The following LIN28B variants were observed in gnomAD, a reference collection of about 807,000 sequenced individuals.
LIN28B encodes the protein protein lin-28 homolog B.
Under a neutral mutation model 21.9 loss-of-function variants are expected in LIN28B, and 5 were observed. The ratio of observed to expected loss-of-function variants is 0.23; its 90% confidence interval spans 0.12 to 0.48. The LOEUF (loss-of-function observed/expected upper bound fraction) is 0.48. LIN28B is among the 20% of genes least tolerant of loss of function. The probability of loss-of-function intolerance (pLI) is 0.98; values close to 1 mark genes in which losing one functional copy is unlikely to be tolerated. For synonymous variants in LIN28B, 109 were observed against 111.3 expected (o/e 0.98, Z 0.13); for missense variants, 245 against 310.5 (o/e 0.79, Z 1.58).
intron 3 of LIN28B, among the ~76,000 whole-genome samples, chr6:105,071,108 G>C (rs1772324751): frequency 6.6e-6 from 1 of 152,014 alleles, no homozygotes; most frequent in Non-Finnish European, 1.5e-5. Context: ...AACTCCTCCT[G>C]ACCTTGTGAT....
chr6:105,026,594 A>G (rs1582904261), intron 3 of LIN28B, 112 bp downstream of exon 3: 2 of 654,280 alleles, frequency 3.1e-6, no homozygotes, highest in East Asian at 5.4e-5. Flanking sequence ...AACCACCATC[A>G]TGTAGAATAT....
chr6:105,042,606 G>C (rs539218824), intron 3 of LIN28B, among the ~76,000 whole-genome samples: 1 of 151,570 alleles, frequency 6.6e-6, no homozygotes, highest in South Asian at 2.1e-4. Context: ...AACATCGACT[G>C]ACTTCTCAGA....
intron 3 of LIN28B, among the ~76,000 whole-genome samples, chr6:105,033,496 G>A (rs1175383165): frequency 6.6e-6 from 1 of 151,944 alleles, no homozygotes; most frequent in Non-Finnish European, 1.5e-5. Flanking sequence ...TTAAAATTCT[G>A]CTTAATTTAG....
chr6:105,034,632 A>C (rs1422513771), intron 3 of LIN28B, among the ~76,000 whole-genome samples: 1 of 152,074 alleles, frequency 6.6e-6, no homozygotes, highest in Non-Finnish European at 1.5e-5. Context: ...ATGGTACATC[A>C]TGGTGTATTT....
chr6:104,945,187 A>G (rs927938565), intron 2 of LIN28B, among the ~76,000 whole-genome samples: 1 of 152,078 alleles, frequency 6.6e-6, no homozygotes, highest in Non-Finnish European at 1.5e-5. Context: ...ATTATGTGTT[A>G]TCTTTTGTAT....
chr6:105,036,113 T>C (rs935092114), intron 3 of LIN28B, among the ~76,000 whole-genome samples: 6 of 152,350 alleles, frequency 3.9e-5, no homozygotes, highest in Non-Finnish European at 8.8e-5. Context: ...TTTACTTGTA[T>C]GCTTTTTTTC....
chr6:104,987,916 G>A (rs2114261610), intron 2 of LIN28B, among the ~76,000 whole-genome samples: 1 of 152,092 alleles, frequency 6.6e-6, no homozygotes, highest in South Asian at 2.1e-4. Flanking sequence ...GCTAATTTTT[G>A]TATTTTTAGT....
intron 3 of LIN28B, among the ~76,000 whole-genome samples, chr6:105,029,488 T>C (rs1053452031): frequency 5.9e-5 from 9 of 152,018 alleles, no homozygotes; most frequent in Middle Eastern, 3.2e-3. Flanking sequence ...TAGATAGATA[T>C]GAAGGTAGGA....
At chr6:105,048,283 GT>G (rs1448919273) in intron 3 of LIN28B, among the ~76,000 whole-genome samples, 54 of 152,130 alleles carry the variant, frequency 3.5e-4, no homozygotes, top group African/African-American at 1.3e-3. Flanking sequence ...TAATCATGTG[GT>G]TTTTGTCTTT....
chr6:105,023,604 A>T (rs867813556), intron 2 of LIN28B, among the ~76,000 whole-genome samples: 1 of 61,826 alleles, frequency 1.6e-5, no homozygotes, highest in African/African-American at 7.1e-5. Context: ...TATATATATA[A>T]AATATATAAT....
intron 3 of LIN28B, among the ~76,000 whole-genome samples, chr6:105,051,982 G>A (rs1771916466): frequency 6.6e-6 from 1 of 152,200 alleles, no homozygotes; most frequent in Non-Finnish European, 1.5e-5. Context: ...GTAATAGTTG[G>A]ACTGTTTTAG....
chr6:104,959,058 G>A (rs1769655808), intron 2 of LIN28B, among the ~76,000 whole-genome samples: 1 of 152,114 alleles, frequency 6.6e-6, no homozygotes, highest in South Asian at 2.1e-4. Context: ...AATTTTTAAA[G>A]ATGTTTTAAT....
At chr6:105,014,195 TGCAATACAGTGG>T (rs1377802484) in intron 2 of LIN28B, among the ~76,000 whole-genome samples, 66 of 152,344 alleles carry the variant, frequency 4.3e-4, no homozygotes, top group African/African-American at 1.5e-3. Context: ...TGGCCCAGGC[TGCAATACAGTGG>T]CACAATCACA....
At chr6:105,063,883 T>A (rs971081305) in intron 3 of LIN28B, among the ~76,000 whole-genome samples, 1 of 149,984 alleles carries the variant, frequency 6.7e-6, no homozygotes, top group Non-Finnish European at 1.5e-5. Context: ...ATACGTCTTA[T>A]TAAATATAAT....
rs118000887 is a variant in LIN28B, at chr6:105,078,626, A to G, written c.596A>G (p.His199Arg). Residue 199 changes from histidine to arginine, a missense_variant, in exon 4 of 4, where the codon CAT (histidine) becomes CGT (arginine). Transcript: ENST00000345080. ...STLPREVGGG[H>R]GCTSPPFPQE... is the part of the protein sequence containing the mutation. ...CTCCCTCGAGAAGTGGGAGGCGGGC[A>G]TGGCTGTACATCACCACCGTTTCCT... 8,073 of 1,614,156 alleles carry G rather than the reference A, an allele frequency of 5.0e-3. 34 individuals are homozygous for G. Among genetic ancestry groups the G allele is most frequent in the Non-Finnish European group, 6.1e-3 (7,194 of 1,180,026 alleles).
intron 2 of LIN28B, among the ~76,000 whole-genome samples, chr6:104,971,626 A>T (rs1166692155): frequency 6.6e-6 from 1 of 152,188 alleles, no homozygotes; most frequent in African/African-American, 2.4e-5. Flanking sequence ...AAGAACTAGG[A>T]TCAGGTATGA....
chr6:105,061,443 C>A (rs1772119704), intron 3 of LIN28B, among the ~76,000 whole-genome samples: 1 of 152,008 alleles, frequency 6.6e-6, no homozygotes, highest in South Asian at 2.1e-4. Flanking sequence ...TTAGTTTGAT[C>A]TCTTTAGCAT....
intron 3 of LIN28B, among the ~76,000 whole-genome samples, chr6:105,035,800 C>T (rs147369304): frequency 6.6e-6 from 1 of 152,216 alleles, no homozygotes. Context: ...GTCTTGTATG[C>T]ATTTGTATAC....
chr6:104,994,150 G>A (rs1770551424), intron 2 of LIN28B, among the ~76,000 whole-genome samples: 2 of 151,954 alleles, frequency 1.3e-5, no homozygotes, highest in South Asian at 2.1e-4. Context: ...GATTACAGGC[G>A]TGTGCCACCA....
Sources: gnomAD v4.1 joint callset for allele counts (sites outside exome capture counted in the v4.1 genomes callset) on GRCh38, gnomAD v4.1.1 for gene constraint, MANE v1.5 for transcripts, NCBI Gene and HGNC (gene_info 2026-07-23, HGNC 2026-07-21) for gene names.